Variants in SFXN1 observed in about 807,000 individuals in gnomAD.
SFXN1 encodes sideroflexin-1.
SFXN1 carries 32 observed loss-of-function variants against 39.5 expected under a neutral mutation model. The ratio of observed to expected loss-of-function variants is 0.81; its 90% CI spans 0.61 to 1.09. The LOEUF (loss-of-function observed/expected upper bound fraction) is 1.09. SFXN1 is among the 50% of genes least tolerant of loss of function. The pLI is 0.00. For synonymous variants in SFXN1, 136 were observed against 146.5 expected (o/e 0.93, Z 0.52); for missense variants, 402 against 407.1 (o/e 0.99, Z 0.11).
intron 9 of SFXN1, 70 bp from the exon 10 acceptor site, chr5:175,522,305 G>C: frequency 6.9e-7 from 1 of 1,450,078 alleles, no homozygotes; most frequent in Non-Finnish European, 9.3e-7. Flanking sequence ...TGTTATAAAA[G>C]TAAAATAGAA....
intron 2 of SFXN1, 86 bp downstream of exon 2, chr5:175,492,353 T>TA: frequency 8.2e-7 from 1 of 1,223,318 alleles, no homozygotes; most frequent in Non-Finnish European, 1.1e-6. Context: ...TTAGTGATTT[T>TA]ACAACTTTTT....
rs372722448 is a variant in SFXN1, at chr5:175,492,206, A to G, written c.103A>G (p.Arg35Gly). The G allele has an allele frequency of 6.2e-7, 1 of 1,614,126 alleles. No homozygotes were observed. The highest frequency in any genetic ancestry group is 8.5e-7 in the Non-Finnish European group (1 of 1,180,014). ...TCATTTCTTCACTGTAACTGACCCC[A>G]GGAACATTCTGTTAACCAACGAACA... ...ANHFFTVTDP[R>G]NILLTNEQLE... Residue 35 changes from arginine (R) to glycine (G), a missense_variant, in exon 2 of 11, where the codon AGG becomes GGG. Physicochemically the swap from Arg to Gly is moderately radical, Grantham distance 125. Coordinates refer to ENST00000321442, the MANE Select transcript of SFXN1 (RefSeq NM_022754.7).
rs763997548 is a variant in SFXN1 at position 175,526,665 on chromosome 5, C to T, written c.900C>T (p.Ala300=). The change falls in exon 11 of 11, where the codon GCC becomes GCT. Residue 300 remains alanine, a synonymous_variant. Coordinates refer to ENST00000321442, the MANE Select transcript of SFXN1 (RefSeq NM_022754.7). The stretch of plus-strand genomic sequence containing the variant: ...CCATGTCTGTGACAAGCTTGGAGGC[C>T]GAGTTGCAAGCTAAGATCCAAGAGA... The part of the protein sequence containing the change: ...KSSMSVTSLE[A]ELQAKIQESH... The T allele has an allele frequency of 3.7e-5, 59 of 1,614,032 alleles. No individual in the cohort carries two copies. The highest frequency in any genetic ancestry group is 4.8e-5 in the Non-Finnish European group (57 of 1,180,014).
chr5:175,484,705 G>A (rs773693315), intron 1 of SFXN1, among the ~76,000 whole-genome samples: 2 of 152,228 alleles, frequency 1.3e-5, no homozygotes, highest in African/African-American at 2.4e-5. Flanking sequence ...CGTAAGGAGC[G>A]CTCCGTGTCA....
rs544743818 is a variant in SFXN1, at chr5:175,489,210, A to G, written c.-9-2885A>G. On this transcript the variant is annotated intron_variant, in intron 1 of 10. Transcript: ENST00000321442. ...TGGTCTACTTGAAGGTAGGAATTAT[A>G]TCTTATTGGCTCATTCAGAAATGGG... Among the ~76,000 whole-genome samples the G allele has an allele frequency of 8.5e-5, 13 of 152,322 alleles. No individual in the cohort carries two copies. In the South Asian group the frequency reaches 2.7e-3, roughly 32 times the overall value.
rs995594126 is a variant in SFXN1 at position 175,529,166 on chromosome 5, G to A, written c.*2432G>A. On this transcript the variant is annotated 3_prime_UTR_variant, in exon 11 of 11. Transcript: ENST00000321442. The stretch of plus-strand genomic sequence containing the variant: ...AGCCTGGCCAACATGGAGAAACCCC[G>A]CCTCTACTAAAAATACAAAAAATTA... 3 of 152,002 alleles carry A rather than the reference G, an allele frequency of 2.0e-5. No individual in the cohort carries two copies. Among genetic ancestry groups the A allele is most frequent in the East Asian group, 1.9e-4 (1 of 5,186 alleles). The allele number at this position is 152,002 out of a possible 1,614,324, so 9.4% of individuals were successfully genotyped here.
chr5:175,527,758 A>G lies in SFXN1; in HGVS notation c.*1024A>G, dbSNP rs1464528339. The G allele has an allele frequency of 6.6e-6, 1 of 152,180 alleles. No individual in the cohort carries two copies. The highest frequency in any genetic ancestry group is 1.5e-5 in the Non-Finnish European group (1 of 68,026). 9.4% of individuals were successfully genotyped at this position (152,180 alleles called of 1,614,324 possible). A position where few individuals can be genotyped will look rare whatever the true frequency, so the allele number is the denominator to read the frequency against. ...CACTTCATTTGAAAATAATGAAACC[A>G]TGTACCACTGTTTACATCATCTGTA... On this transcript the variant is annotated 3_prime_UTR_variant, in exon 11 of 11. Coordinates refer to ENST00000321442, the MANE Select transcript of SFXN1 (RefSeq NM_022754.7).
chr5:175,516,195 A>G (rs1008441161), intron 7 of SFXN1, among the ~76,000 whole-genome samples: 65 of 152,284 alleles, frequency 4.3e-4, no homozygotes, highest in African/African-American at 1.5e-3. Context: ...TCCATGGCCC[A>G]GGGGTTGGGG....
At chr5:175,496,350 G>A (rs957473553) in intron 2 of SFXN1, among the ~76,000 whole-genome samples, 5 of 151,692 alleles carry the variant, frequency 3.3e-5, no homozygotes, top group Middle Eastern at 3.4e-3. Context: ...TCCAGCCTGG[G>A]CAACAGAGTG....
At chr5:175,517,993 G>T (rs1760766056) in intron 8 of SFXN1, among the ~76,000 whole-genome samples, 1 of 152,200 alleles carries the variant, frequency 6.6e-6, no homozygotes, top group South Asian at 2.1e-4. Context: ...TTTTTTAAAC[G>T]GTGATGCTTG....
intron 1 of SFXN1, chr5:175,483,689 G>GCTAGGTC (rs2113255182): frequency 6.6e-6 from 1 of 152,102 alleles, no homozygotes; most frequent in East Asian, 1.9e-4. Context: ...CCTGAAGCCA[G>GCTAGGTC]CTAATAACTG....
intron 4 of SFXN1, among the ~76,000 whole-genome samples, chr5:175,511,175 GT>G (rs1760497256): frequency 6.6e-6 from 1 of 152,222 alleles, no homozygotes. Flanking sequence ...AAGTCTGTAT[GT>G]TTATTTATTT....
intron 6 of SFXN1, among the ~76,000 whole-genome samples, chr5:175,513,166 G>A (rs1162363881): frequency 1.3e-5 from 2 of 151,950 alleles, no homozygotes; most frequent in Admixed American, 1.3e-4. Flanking sequence ...CCGGCACACT[G>A]TCACATGCCT....
chr5:175,510,060 G>A (rs199806257), intron 3 of SFXN1, 49 bp from the exon 4 acceptor site: 26 of 1,508,796 alleles, frequency 1.7e-5, no homozygotes, highest in African/African-American at 8.2e-5. Context: ...GTTCCATGCC[G>A]CGGCTGGGCC....
chr5:175,485,869 C>T (rs190846169), intron 1 of SFXN1, among the ~76,000 whole-genome samples: 1 of 152,250 alleles, frequency 6.6e-6, no homozygotes, highest in Non-Finnish European at 1.5e-5. Context: ...GAATGACATC[C>T]CAGAATCTGA....
chr5:175,513,652 G>T lies in SFXN1; in HGVS notation c.724+62G>T, dbSNP rs902818831. 14 of 1,578,950 alleles carry T rather than the reference G, an allele frequency of 8.9e-6. No homozygotes were observed. The Admixed American group carries it at 2.4e-4, about 27-fold the overall frequency. On this transcript the variant is annotated intron_variant, in intron 7 of 10. Transcript: ENST00000321442. ...GTTGAACCAGCGTTCACGGATCCGT[G>T]AACCAGAAAACAAACACATATATCA...
chr5:175,498,395 C>T (rs1408705423), intron 2 of SFXN1, among the ~76,000 whole-genome samples: 1 of 152,082 alleles, frequency 6.6e-6, no homozygotes, highest in Non-Finnish European at 1.5e-5. Flanking sequence ...GATTAAGAAA[C>T]GGAGGTGGTA....
chr5:175,509,207 G>A lies in SFXN1; in HGVS notation c.335+5G>A, dbSNP rs767931189. The A allele has an allele frequency of 2.6e-5, 41 of 1,605,886 alleles. No individual in the cohort carries two copies. The highest frequency in any genetic ancestry group is 3.1e-5 in the Non-Finnish European group (36 of 1,176,366). On this transcript the variant is annotated splice_donor_5th_base_variant and intron_variant, in intron 3 of 10. Transcript: ENST00000321442. Reference sequence around the variant, plus strand: ...TTGTATGATGACGTTTTACAGGTATGTTATGAATATGTAGCAACAGTGTGT... The same window carrying A: ...TTGTATGATGACGTTTTACAGGTATATTATGAATATGTAGCAACAGTGTGT...
chr5:175,507,087 G>A (rs1262559457), intron 2 of SFXN1, among the ~76,000 whole-genome samples: 1 of 152,154 alleles, frequency 6.6e-6, no homozygotes, highest in Non-Finnish European at 1.5e-5. Flanking sequence ...CTTCCTTGGG[G>A]CTTCCAAGGT....
Sources: gnomAD v4.1 joint callset for allele counts (sites outside exome capture counted in the v4.1 genomes callset) on GRCh38, gnomAD v4.1.1 for gene constraint, MANE v1.5 for transcripts, NCBI Gene and HGNC (gene_info 2026-07-23, HGNC 2026-07-21) for gene names.